NR5A2: variants seen among roughly 807,000 people sequenced by gnomAD.
NR5A2 encodes the protein nuclear receptor subfamily 5 group A member 2, also known as CYP7A promoter-binding factor.
In NR5A2, 26 loss-of-function variants were observed where a neutral mutation model predicts 62.7. The observed-to-expected ratio is 0.41, with a 90% confidence interval of 0.30 to 0.58. The LOEUF (loss-of-function observed/expected upper bound fraction) is 0.58. Ranked by LOEUF, NR5A2 falls within the 20% of genes least tolerant of loss-of-function variation. The pLI is 0.22. For missense variants in NR5A2, 541 were observed against 669.1 expected (o/e 0.81, Z 2.11); for synonymous variants, 246 against 241.7 (o/e 1.02, Z -0.16).
chr1:200,166,942 C>A (rs899473368), intron 7 of NR5A2, among the ~76,000 whole-genome samples: 2 of 152,194 alleles, frequency 1.3e-5, no homozygotes, highest in Non-Finnish European at 2.9e-5. Context: ...TTCTTACTGA[C>A]TTTGAGATCC....
intron 5 of NR5A2, among the ~76,000 whole-genome samples, chr1:200,107,521 A>G (rs1017289242): frequency 9.5e-5 from 11 of 115,892 alleles, no homozygotes; most frequent in Non-Finnish European, 2.2e-4. Flanking sequence ...TACAGAAAAC[A>G]GACAGGCTCA....
chr1:200,072,734 T>C (rs1231272486), intron 5 of NR5A2, among the ~76,000 whole-genome samples: 2 of 151,990 alleles, frequency 1.3e-5, no homozygotes, highest in Admixed American at 6.6e-5. Context: ...GTGCACAGAG[T>C]CATGCTGCTT....
At chr1:200,094,778 C>T (rs750054546) in intron 5 of NR5A2, among the ~76,000 whole-genome samples, 19 of 151,410 alleles carry the variant, frequency 1.3e-4, no homozygotes, top group South Asian at 1.0e-3. Context: ...GTGATCTGCC[C>T]GCCTCGGCCT....
chr1:200,138,329 A>T (rs1667314202), intron 7 of NR5A2, among the ~76,000 whole-genome samples: 1 of 152,186 alleles, frequency 6.6e-6, no homozygotes, highest in Non-Finnish European at 1.5e-5. Context: ...TTTCCATGTC[A>T]TCACCAGCAC....
chr1:200,040,361 C>T (rs2102147123), intron 2 of NR5A2, among the ~76,000 whole-genome samples: 1 of 152,296 alleles, frequency 6.6e-6, no homozygotes, highest in African/African-American at 2.4e-5. Context: ...CTGAAGGGAA[C>T]AAGTTACCCC....
chr1:200,144,224 CTCTCTCT>C (rs1667576298), intron 7 of NR5A2, among the ~76,000 whole-genome samples: 1 of 30,436 alleles, frequency 3.3e-5, no homozygotes, highest in African/African-American at 1.0e-4. Flanking sequence ...TTCTCTCTCT[CTCTCTCT>C]CTCACACACA....
intron 1 of NR5A2, among the ~76,000 whole-genome samples, chr1:200,032,624 G>A (rs955296564): frequency 1.6e-4 from 24 of 152,146 alleles, no homozygotes; most frequent in African/African-American, 5.6e-4. Flanking sequence ...CTTACAGAAT[G>A]ATGAGTTTGA....
intron 7 of NR5A2, among the ~76,000 whole-genome samples, chr1:200,145,788 G>C (rs1667674306): frequency 6.6e-6 from 1 of 152,066 alleles, no homozygotes; most frequent in Non-Finnish European, 1.5e-5. Flanking sequence ...CACACCTATA[G>C]GCTATCATGT....
At chr1:200,077,607 G>C (rs571855465) in intron 5 of NR5A2, among the ~76,000 whole-genome samples, 283 of 152,196 alleles carry the variant, frequency 1.9e-3, no homozygotes, top group Non-Finnish European at 3.0e-3. Context: ...CCAGCTACTC[G>C]GGAGGCTGAG....
At chr1:200,152,373 G>T (rs1653171924) in intron 7 of NR5A2, among the ~76,000 whole-genome samples, 1 of 152,080 alleles carries the variant, frequency 6.6e-6, no homozygotes, top group African/African-American at 2.4e-5. Flanking sequence ...TTTTCCATAT[G>T]TTACTGTTAT....
intron 5 of NR5A2, among the ~76,000 whole-genome samples, chr1:200,103,437 G>A (rs1665492046): frequency 6.6e-6 from 1 of 152,074 alleles, no homozygotes; most frequent in Non-Finnish European, 1.5e-5. Context: ...AAAGCTTTTA[G>A]GACAGTGCCT....
chr1:200,121,051 C>A, intron 7 of NR5A2, 96 bp downstream of exon 7: 2 of 1,238,066 alleles, frequency 1.6e-6, no homozygotes, highest in Non-Finnish European at 2.3e-6. Context: ...TTTGTTCTAT[C>A]AATATAATGC....
Position 200,039,784 on chromosome 1 carries a change from A to G in NR5A2, c.191A>G (p.Glu64Gly). 1 of 1,604,042 alleles carries G rather than the reference A, an allele frequency of 6.2e-7. No homozygotes were observed. The highest frequency in any genetic ancestry group is 8.5e-7 in the Non-Finnish European group (1 of 1,175,744). The change falls in exon 2 of 8, where the codon GAA becomes GGA. Residue 64 changes from glutamate to glycine, a missense_variant. Glu to Gly is a moderately conservative substitution (Grantham distance 98, BLOSUM62 -2). Transcript: ENST00000367362. The surrounding 1 kb of genome is among the most constrained non-coding windows in gnomAD (Gnocchi z 5.1). ...RSHGEQGQMP[E>G]NMQVSQFKMV... Reference sequence around the variant, plus strand: ...CATGGGGAACAGGGCCAGATGCCGGAAAACATGCAAGGTAAGGAGGCGCCG... The same window carrying G: ...CATGGGGAACAGGGCCAGATGCCGGGAAACATGCAAGGTAAGGAGGCGCCG...
chr1:200,029,107 G>A (rs1661452155), intron 1 of NR5A2: 1 of 443,854 alleles, frequency 2.3e-6, no homozygotes, highest in African/African-American at 2.1e-5. Context: ...TCGTCGGGCA[G>A]AACCGCCGCG....
At position 200,158,283 on chromosome 1, in the gene NR5A2, A is replaced by G. The variant is rs140973432; in HGVS notation, c.1379-15680A>G. On this transcript the variant is annotated intron_variant, in intron 7 of 7. Transcript: ENST00000367362. ...AGTTTTTTTCCAATCCAATTAATCTATTTTGTGTGTCTGTCTCAGAAAGGA... is the reference window on the plus strand; with the variant it reads ...AGTTTTTTTCCAATCCAATTAATCTGTTTTGTGTGTCTGTCTCAGAAAGGA... Among the ~76,000 whole-genome samples, 1,449 of 152,316 alleles carry G rather than the reference A, an allele frequency of 9.5e-3. 14 individuals are homozygous for G. The highest frequency in any genetic ancestry group is 0.017 in the Non-Finnish European group (1,143 of 68,026).
chr1:200,111,086 A>C, intron 5 of NR5A2, 116 bp from the exon 6 acceptor site: 1 of 1,178,864 alleles, frequency 8.5e-7, no homozygotes, highest in Admixed American at 2.8e-5. Flanking sequence ...ATGGGTGGAG[A>C]CTTTCTTGTT....
At chr1:200,123,428 C>A (rs1015429170) in intron 7 of NR5A2, among the ~76,000 whole-genome samples, 1 of 152,138 alleles carries the variant, frequency 6.6e-6, no homozygotes, top group Admixed American at 6.6e-5. Context: ...TTGAGGGAAG[C>A]AGCAGATGTG....
intron 5 of NR5A2, among the ~76,000 whole-genome samples, chr1:200,059,944 A>C (rs1663119011): frequency 1.3e-5 from 2 of 152,200 alleles, no homozygotes; most frequent in Admixed American, 1.3e-4. Context: ...AACAAAAATG[A>C]CATAAACCAC....
chr1:200,097,797 G>A (rs751216231), intron 5 of NR5A2, among the ~76,000 whole-genome samples: 13 of 152,178 alleles, frequency 8.5e-5, no homozygotes, highest in Non-Finnish European at 1.9e-4. Flanking sequence ...GGGAAAGGCA[G>A]TATAGTATCA....
Sources: allele counts gnomAD v4.1 joint callset (sites outside exome capture counted in the v4.1 genomes callset), GRCh38; gene constraint gnomAD v4.1.1; non-coding constraint Gnocchi (gnomAD v3.1); transcripts MANE v1.5; gene names NCBI Gene and HGNC (gene_info 2026-07-23, HGNC 2026-07-21).